NSUN4: variants seen among roughly 807,000 people sequenced by gnomAD.
NSUN4 encodes NOP2/Sun RNA methyltransferase 4.
In NSUN4, 31 loss-of-function variants were observed where a neutral mutation model predicts 43.8. The ratio of observed to expected loss-of-function variants is 0.71; its 90% CI spans 0.53 to 0.96. NSUN4 has a LOEUF of 0.96. Ranked by LOEUF, NSUN4 falls within the 40% of genes least tolerant of loss-of-function variation. The pLI, the probability that NSUN4 is intolerant of heterozygous loss-of-function variation, is 0.00. For synonymous variants in NSUN4, 167 were observed against 184.1 expected, an observed-to-expected ratio of 0.91 and a Z score of 0.75; for missense variants, 439 against 475.6, an observed-to-expected ratio of 0.92 and a Z score of 0.72.
At chr1:46,351,659 CTTT>C (rs1190689943) in intron 3 of NSUN4, among the ~76,000 whole-genome samples, 20,030 of 87,834 alleles carry the variant, frequency 0.23, 1,451 homozygotes, top group Non-Finnish European at 0.28. Flanking sequence ...GACCCAGTCT[CTTT>C]TTTTTTTTTT....
intron 3 of NSUN4, among the ~76,000 whole-genome samples, chr1:46,347,296 G>C (rs1662582684): frequency 6.6e-6 from 1 of 152,100 alleles, no homozygotes; most frequent in Admixed American, 6.6e-5. Context: ...AAATTAGCTG[G>C]GTGTGGTGGT....
chr1:46,359,885 ATTATC>A (rs1459313287), intron 4 of NSUN4, among the ~76,000 whole-genome samples: 2 of 152,170 alleles, frequency 1.3e-5, no homozygotes, highest in South Asian at 2.1e-4. Flanking sequence ...TGTTTAAAGA[ATTATC>A]TTATAGTTAG....
rs1177509403 is a variant in NSUN4 at position 46,361,629 on chromosome 1, C to T, written c.938C>T (p.Ser313Leu). 6.2e-7 allele frequency: 1 copy of T among 1,614,228 alleles called. No homozygotes were observed. Among genetic ancestry groups the T allele is most frequent in the African/African-American group, 1.3e-5 (1 of 75,064 alleles). ...GHVVYSTCSL[S>L]HLQNEYVVQG... The stretch of plus-strand genomic sequence containing the variant: ...GTTGTCTATTCTACCTGCTCACTCT[C>T]ACACTTACAGAACGAGTATGTGGTG... Residue 313 changes from serine to leucine, a missense_variant, in exon 6 of 6, where the codon TCA becomes TTA. Coordinates refer to ENST00000474844, the MANE Select transcript of NSUN4 (RefSeq NM_199044.4).
the NSUN4 span, among the ~76,000 whole-genome samples, chr1:46,375,736 C>CAAAAA: frequency 8.6e-5 from 6 of 69,900 alleles, no homozygotes; most frequent in African/African-American, 2.6e-4. Context: ...GACTCTGTCT[C>CAAAAA]AAAAAAAAAA....
At chr1:46,343,459 CCAAGGATT>C (rs1662266286) in intron 1 of NSUN4, 1 of 399,450 alleles carries the variant, frequency 2.5e-6, no homozygotes, top group South Asian at 1.3e-4. Flanking sequence ...TTGCCTTCAT[CCAAGGATT>C]CCAGCTGTAG....
At chr1:46,372,365 G>C in the NSUN4 span, among the ~76,000 whole-genome samples, 4 of 151,300 alleles carry the variant, frequency 2.6e-5, no homozygotes, top group Non-Finnish European at 5.9e-5. Flanking sequence ...GGATGGTCTC[G>C]CTCTCCTGAC....
intron 4 of NSUN4, among the ~76,000 whole-genome samples, chr1:46,354,682 T>A (rs1557741695): frequency 6.6e-6 from 1 of 151,776 alleles, no homozygotes; most frequent in Non-Finnish European, 1.5e-5. Context: ...TTGAGACAGT[T>A]TTGCTCTTGT....
At chr1:46,380,722 A>G in the NSUN4 span, among the ~76,000 whole-genome samples, 1 of 152,086 alleles carries the variant, frequency 6.6e-6, no homozygotes, top group East Asian at 1.9e-4. Flanking sequence ...AAAGAGGCTT[A>G]CTCCAGGTTA....
At chr1:46,360,185 C>A (rs1324355349) in intron 4 of NSUN4, among the ~76,000 whole-genome samples, 1 of 132,392 alleles carries the variant, frequency 7.6e-6, no homozygotes, top group African/African-American at 2.9e-5. Flanking sequence ...GCCGAGATTG[C>A]GCCACTGCAC....
the NSUN4 span, among the ~76,000 whole-genome samples, chr1:46,376,097 A>G: frequency 5.0e-5 from 1 of 19,812 alleles, no homozygotes; most frequent in South Asian, 2.1e-3. Flanking sequence ...GAGCGAAACT[A>G]AAAAAAAAAA....
intron 4 of NSUN4, among the ~76,000 whole-genome samples, chr1:46,358,296 A>G (rs1397928980): frequency 2.0e-5 from 3 of 151,358 alleles, no homozygotes; most frequent in African/African-American, 7.3e-5. Flanking sequence ...GGGTTTCGCC[A>G]TGTTGGCCAG....
intron 3 of NSUN4, among the ~76,000 whole-genome samples, chr1:46,352,497 A>G (rs1663073183): frequency 6.6e-6 from 1 of 150,922 alleles, no homozygotes; most frequent in Non-Finnish European, 1.5e-5. Context: ...AAAAGGAGAG[A>G]AAGGAAAGGG....
At chr1:46,341,765 T>C in intron 1 of NSUN4, 1 of 1,232,000 alleles carries the variant, frequency 8.1e-7, no homozygotes, top group Non-Finnish European at 1.0e-6. Flanking sequence ...CCAGCCCTTA[T>C]TTTGAGCAGT....
the NSUN4 span, among the ~76,000 whole-genome samples, chr1:46,371,549 G>A: frequency 2.6e-5 from 4 of 151,940 alleles, no homozygotes; most frequent in South Asian, 2.1e-4. Flanking sequence ...CTCGTGATCC[G>A]CCCACCTCGG....
chr1:46,348,483 C>T (rs954425776), intron 3 of NSUN4, among the ~76,000 whole-genome samples: 1 of 151,954 alleles, frequency 6.6e-6, no homozygotes, highest in Non-Finnish European at 1.5e-5. Context: ...AAGGCTGAGG[C>T]GGGTGGATCA....
the NSUN4 span, chr1:46,370,917 A>G: frequency 6.6e-6 from 1 of 152,576 alleles, no homozygotes; most frequent in African/African-American, 2.4e-5. Flanking sequence ...AGGTCTTGAG[A>G]ATTCCTTTGC....
downstream of NSUN4, among the ~76,000 whole-genome samples, chr1:46,367,708 G>C (rs560389769): frequency 3.9e-4 from 58 of 150,450 alleles, no homozygotes; most frequent in Non-Finnish European, 7.2e-4. Context: ...ATTTTATAGA[G>C]AAGGAAACAA....
chr1:46,341,374 C>T, intron 1 of NSUN4: 1 of 1,001,352 alleles, frequency 1.0e-6, no homozygotes, highest in Non-Finnish European at 1.2e-6. Flanking sequence ...GCCTGCACTC[C>T]TGGGTCTCCG....
At chr1:46,349,288 C>G (rs545747367) in intron 3 of NSUN4, among the ~76,000 whole-genome samples, 42 of 152,068 alleles carry the variant, frequency 2.8e-4, no homozygotes, top group African/African-American at 9.9e-4. Flanking sequence ...CACGGGCACC[C>G]GCCACCATGC....
Sources: gnomAD v4.1 joint callset for allele counts (sites outside exome capture counted in the v4.1 genomes callset) on GRCh38, gnomAD v4.1.1 for gene constraint, MANE v1.5 for transcripts, NCBI Gene and HGNC (gene_info 2026-07-23, HGNC 2026-07-21) for gene names.